Variants in VWA8 observed in about 807,000 individuals in gnomAD.
VWA8 encodes von Willebrand factor A domain containing 8, also known as von Willebrand factor A domain-containing protein 8.
A neutral mutation model predicts 241.5 loss-of-function variants in VWA8; 221 were observed. The observed-to-expected ratio is 0.91, with a 90% CI of 0.82 to 1.02. The LOEUF is 1.02. VWA8 is among the 50% of genes least tolerant of loss of function. The pLI, the probability that VWA8 is intolerant of heterozygous loss-of-function variation, is 0.00. For synonymous variants in VWA8, 852 were observed against 827.1 expected (o/e 1.03, Z -0.52); for missense variants, 2,322 against 2,328.7 (o/e 1.00, Z 0.06).
intron 37 of VWA8, among the ~76,000 whole-genome samples, chr13:41,661,913 C>T (rs578062131): frequency 2.8e-4 from 43 of 152,250 alleles, no homozygotes; most frequent in African/African-American, 9.6e-4. Context: ...ATCCTTTCTC[C>T]ATTAAACTGT....
intron 27 of VWA8, among the ~76,000 whole-genome samples, chr13:41,701,735 TATTTA>T (rs1320401093): frequency 2.0e-5 from 3 of 152,382 alleles, no homozygotes; most frequent in East Asian, 3.9e-4. Context: ...TGTGCTATCT[TATTTA>T]ATTTCTCATT....
intron 2 of VWA8, among the ~76,000 whole-genome samples, chr13:41,943,893 G>C (rs1877715394): frequency 6.6e-6 from 1 of 152,084 alleles, no homozygotes; most frequent in Non-Finnish European, 1.5e-5. Flanking sequence ...CCTGAGGTCA[G>C]GAGTTCAAGA....
intron 27 of VWA8, 113 bp from the exon 28 acceptor site, chr13:41,701,643 A>G: frequency 9.7e-7 from 1 of 1,025,712 alleles, no homozygotes; most frequent in Non-Finnish European, 1.3e-6. Flanking sequence ...ATATCCTGCT[A>G]TACCTTTTTT....
In VWA8 at chr13:41,675,224, G is replaced by A. The variant is rs866935669; in HGVS notation, c.4400C>T (p.Pro1467Leu). The A allele has an allele frequency of 1.9e-6, 3 of 1,610,126 alleles. No individual in the cohort carries two copies. The highest frequency in any genetic ancestry group is 2.5e-6 in the Non-Finnish European group (3 of 1,176,988). Reference sequence around the variant, plus strand: ...AGGTGAAATGGATTACCTGGGAATAGGGATATATCGGAGTTTCTTTGATTG... The same window carrying A: ...AGGTGAAATGGATTACCTGGGAATAAGGATATATCGGAGTTTCTTTGATTG... ...DLQSKKLRYIPIPRSESLSPY... is the reference protein window; with the variant it reads ...DLQSKKLRYILIPRSESLSPY... Residue 1467 changes from proline to leucine, a missense_variant, in exon 36 of 45, where the codon CCT (proline) becomes CTT (leucine). By Grantham distance (98) the Pro-to-Leu change is moderately conservative (BLOSUM62 -3). Transcript: ENST00000379310.
In VWA8 at chr13:41,732,177, T is replaced by C. The variant is rs1169788951; in HGVS notation, c.2427-22A>G. On this transcript the variant is annotated intron_variant, in intron 21 of 44. Transcript: ENST00000379310. Reference sequence around the variant, plus strand: ...ATCCCTAAAGTAAAACCAACACATTTTATAGTTAGGAAGGAAATAAGCTGA... The same window carrying C: ...ATCCCTAAAGTAAAACCAACACATTCTATAGTTAGGAAGGAAATAAGCTGA... 1.9e-6 allele frequency: 3 copies of C among 1,599,028 alleles called. No homozygotes were observed. In the East Asian group the frequency reaches 6.7e-5, roughly 36 times the overall value.
chr13:41,906,617 C>T (rs1875732732), intron 4 of VWA8, among the ~76,000 whole-genome samples: 1 of 151,878 alleles, frequency 6.6e-6, no homozygotes, highest in Non-Finnish European at 1.5e-5. Flanking sequence ...TGTTCATTCA[C>T]AGTTTTATAC....
intron 21 of VWA8, among the ~76,000 whole-genome samples, chr13:41,737,262 A>T (rs976609677): frequency 2.6e-5 from 4 of 152,248 alleles, no homozygotes; most frequent in African/African-American, 9.6e-5. Flanking sequence ...AGTGAAGATG[A>T]GTTCTTGGTA....
chr13:41,571,927 C>T (rs1392860648), intron 43 of VWA8, among the ~76,000 whole-genome samples: 1 of 151,886 alleles, frequency 6.6e-6, no homozygotes, highest in Non-Finnish European at 1.5e-5. Context: ...GGCCGCCCAT[C>T]GTCTGAGATG....
chr13:41,934,059 G>A (rs1240014767), intron 2 of VWA8, among the ~76,000 whole-genome samples: 4 of 149,724 alleles, frequency 2.7e-5, no homozygotes, highest in Admixed American at 6.7e-5. Flanking sequence ...TAACATATTT[G>A]CAAATCTTAT....
intron 10 of VWA8, among the ~76,000 whole-genome samples, chr13:41,866,972 G>A (rs539270733): frequency 6.6e-6 from 1 of 152,180 alleles, no homozygotes; most frequent in South Asian, 2.1e-4. Flanking sequence ...TTCTGATGAG[G>A]ACTCTGGGCT....
intron 42 of VWA8, among the ~76,000 whole-genome samples, chr13:41,581,025 G>A (rs1440352983): frequency 1.3e-5 from 1 of 75,712 alleles, no homozygotes; most frequent in Non-Finnish European, 2.2e-5. Flanking sequence ...TTTTTGAGAC[G>A]GAGTCTCGCT....
chr13:41,626,667 GA>G (rs2044693824), intron 37 of VWA8, among the ~76,000 whole-genome samples: 1 of 152,142 alleles, frequency 6.6e-6, no homozygotes, highest in Non-Finnish European at 1.5e-5. Flanking sequence ...AAGAAATGGG[GA>G]AAGGATTCCC....
chr13:41,601,566 G>GT lies in VWA8; in HGVS notation c.4986+3601dup, dbSNP rs1226592356. ...GAGAAGATATGATTAAAATCAAGTGGTTTTTTGTAAGAATGGATGTTTTCT... is the reference window on the plus strand; with the variant it reads ...GAGAAGATATGATTAAAATCAAGTGGTTTTTTTGTAAGAATGGATGTTTTCT... On this transcript the variant is annotated intron_variant, in intron 40 of 44. Transcript: ENST00000379310. Among the ~76,000 whole-genome samples the GT allele has an allele frequency of 3.9e-5, 6 of 152,096 alleles. No homozygotes were observed. The East Asian group carries it at 7.7e-4, about 20-fold the overall frequency.
chr13:41,829,546 C>T (rs1871328395), intron 14 of VWA8, among the ~76,000 whole-genome samples: 1 of 142,138 alleles, frequency 7.0e-6, no homozygotes, highest in African/African-American at 2.5e-5. Flanking sequence ...CACACACACA[C>T]ACACACACAC....
intron 17 of VWA8, among the ~76,000 whole-genome samples, chr13:41,810,255 T>C (rs947878583): frequency 2.0e-5 from 3 of 152,106 alleles, no homozygotes; most frequent in Non-Finnish European, 4.4e-5. Context: ...ATCCTAGGTA[T>C]AGGCTAGGTA....
At chr13:41,747,771 C>A (rs2045620850) in intron 21 of VWA8, among the ~76,000 whole-genome samples, 1 of 152,150 alleles carries the variant, frequency 6.6e-6, no homozygotes, top group South Asian at 2.1e-4. Context: ...AGATACGTCC[C>A]ATCAATACCT....
chr13:41,864,141 TA>T (rs1173896404), intron 12 of VWA8, among the ~76,000 whole-genome samples: 19,684 of 114,116 alleles, frequency 0.17, 1,337 homozygotes, highest in East Asian at 0.22. Flanking sequence ...ATGATGATTA[TA>T]AAAAAAAAAA....
At chr13:41,706,753 C>CTGT (rs2045285313) in intron 26 of VWA8, among the ~76,000 whole-genome samples, 1 of 152,178 alleles carries the variant, frequency 6.6e-6, no homozygotes, top group African/African-American at 2.4e-5. Context: ...ACTATGTCAT[C>CTGT]CAACTCTGAC....
At chr13:41,732,187 GA>G in intron 21 of VWA8, 32 bp from the exon 22 acceptor site, 1 of 1,583,676 alleles carries the variant, frequency 6.3e-7, no homozygotes, top group Non-Finnish European at 8.6e-7. Context: ...TTATAGTTAG[GA>G]AGGAAATAAG....
Sources: allele counts gnomAD v4.1 joint callset (sites outside exome capture counted in the v4.1 genomes callset), GRCh38; gene constraint gnomAD v4.1.1; transcripts MANE v1.5; gene names NCBI Gene and HGNC (gene_info 2026-07-23, HGNC 2026-07-21).